Variants in GEMIN5 observed in about 807,000 individuals in gnomAD.
The protein encoded by GEMIN5 is gem-associated protein 5.
In GEMIN5, 124 loss-of-function variants were observed where a neutral mutation model predicts 176.9. The ratio of observed to expected loss-of-function variants is 0.70; its 90% confidence interval spans 0.61 to 0.81. The LOEUF (loss-of-function observed/expected upper bound fraction) is 0.81, where lower values mean the gene tolerates loss of function less well. Ranked by LOEUF, GEMIN5 falls within the 40% of genes least tolerant of loss-of-function variation. GEMIN5 has a pLI of 0.00. For missense variants in GEMIN5, 1,843 were observed against 1,814.6 expected, an observed-to-expected ratio of 1.02 and a Z score of -0.28; for synonymous variants, 673 against 665.2, an observed-to-expected ratio of 1.01 and a Z score of -0.18.
At chr5:154,902,788 A>G in intron 19 of GEMIN5, 112 bp from the exon 20 acceptor site, 1 of 1,084,120 alleles carries the variant, frequency 9.2e-7, no homozygotes, top group Non-Finnish European at 1.4e-6. Flanking sequence ...ATATGCAGTC[A>G]TTCTCTGATG....
chr5:154,889,281 A>G (rs1763176215), intron 27 of GEMIN5, 40 bp downstream of exon 27: 1 of 1,064,732 alleles, frequency 9.4e-7, no homozygotes, highest in Non-Finnish European at 1.5e-6. Context: ...TGATAACACA[A>G]AAAGTGATGC....
chr5:154,934,642 C>G (rs1309863782), intron 3 of GEMIN5, among the ~76,000 whole-genome samples: 1 of 152,144 alleles, frequency 6.6e-6, no homozygotes, highest in Non-Finnish European at 1.5e-5. Context: ...TACCCGTACG[C>G]CCCGTCTCCT....
In GEMIN5 at chr5:154,924,481, G is replaced by T; in HGVS notation, c.1367C>A (p.Thr456Asn). ...ACCCATTTCTTACTTGTTGGAGTAG[G>T]TGTCATACAATCCCACTTTTCCATC... ...TDDGKVGLYDTYSNKPPQISS... is the reference protein window; with the variant it reads ...TDDGKVGLYDNYSNKPPQISS... The change falls in exon 9 of 28, where the codon ACC (threonine) becomes AAC (asparagine). Residue 456 changes from threonine to asparagine, a missense_variant. Physicochemically the swap from Thr to Asn is moderately conservative, Grantham distance 65. Coordinates refer to ENST00000285873, the MANE Select transcript of GEMIN5 (RefSeq NM_015465.5). 6.2e-7 allele frequency: 1 copy of T among 1,606,446 alleles called. No homozygotes were observed. Among genetic ancestry groups the T allele is most frequent in the Non-Finnish European group, 8.5e-7 (1 of 1,173,184 alleles).
chr5:154,927,321 C>T, intron 7 of GEMIN5, 64 bp downstream of exon 7: 1 of 1,098,786 alleles, frequency 9.1e-7, no homozygotes, highest in South Asian at 1.4e-5. Flanking sequence ...TGAAAAAGCC[C>T]TCTCATCCCA....
chr5:154,936,188 G>A (rs1353671034), intron 2 of GEMIN5, among the ~76,000 whole-genome samples, 166 bp from the exon 3 acceptor site: 20 of 151,980 alleles, frequency 1.3e-4, no homozygotes, highest in African/African-American at 4.4e-4. Flanking sequence ...AGGCCGAGGC[G>A]GGTGGATCAC....
chr5:154,929,929 A>G (rs902341845), intron 5 of GEMIN5, among the ~76,000 whole-genome samples: 3 of 152,372 alleles, frequency 2.0e-5, no homozygotes, highest in Middle Eastern at 3.4e-3. Flanking sequence ...ATAGTAAAAC[A>G]TGGAAGCAAC....
chr5:154,936,894 G>A, intron 2 of GEMIN5, 131 bp downstream of exon 2: 1 of 722,938 alleles, frequency 1.4e-6, no homozygotes, highest in Non-Finnish European at 2.3e-6. Context: ...TTACAATATA[G>A]TTTCTTATCT....
intron 3 of GEMIN5, among the ~76,000 whole-genome samples, chr5:154,934,416 A>G (rs1764224394): frequency 6.6e-6 from 1 of 152,070 alleles, no homozygotes; most frequent in African/African-American, 2.4e-5. Flanking sequence ...ACCACAGGTG[A>G]TTTGCCCACC....
rs1368023426 is a variant in GEMIN5, at chr5:154,926,093, AG to A, written c.1081-20del. The stretch of plus-strand genomic sequence containing the variant: ...ATTTTACCTGCAAAGATTAACGGTA[AG>A]GGCCTAAACATAAAAAAGAACAGAG... On this transcript the variant is annotated intron_variant, in intron 7 of 27. Coordinates refer to ENST00000285873, the MANE Select transcript of GEMIN5 (RefSeq NM_015465.5). 1 of 1,509,958 alleles carries A rather than the reference AG, an allele frequency of 6.6e-7. No individual in the cohort carries two copies. Among genetic ancestry groups the A allele is most frequent in the African/African-American group, 1.4e-5 (1 of 72,936 alleles). The allele number at this position is 1,509,958 out of a possible 1,614,324, so 93.5% of individuals were successfully genotyped here.
intron 23 of GEMIN5, 96 bp downstream of exon 23, chr5:154,898,344 A>G (rs1763396006): frequency 4.5e-6 from 5 of 1,116,432 alleles, no homozygotes; most frequent in Non-Finnish European, 6.7e-6. Context: ...CCAAATTGGC[A>G]CAGCTTGTGC....
At position 154,901,348 on chromosome 5, in the gene GEMIN5, T is replaced by C. The variant is rs1473978726; in HGVS notation, c.3005A>G (p.His1002Arg). The change falls in exon 21 of 28, where the codon CAT becomes CGT. Residue 1002 changes from histidine (H) to arginine (R), a missense_variant. His to Arg is a conservative substitution (Grantham distance 29). Coordinates refer to ENST00000285873, the MANE Select transcript of GEMIN5 (RefSeq NM_015465.5). ...YEAVELLKSN[H>R]FYREAIAIAK... ...CTAGGACCACACAGACCTGTAAAAA[T>C]GGTTTGACTTGAGCAGCTCCACCGC... 3.1e-6 allele frequency: 5 copies of C among 1,613,812 alleles called. No homozygotes were observed. The highest frequency in any genetic ancestry group is 1.1e-5 in the South Asian group (1 of 91,046).
chr5:154,932,341 A>G, intron 3 of GEMIN5, 91 bp from the exon 4 acceptor site: 2 of 884,102 alleles, frequency 2.3e-6, no homozygotes, highest in South Asian at 3.3e-5. Flanking sequence ...CCATTGGCGC[A>G]TTCCTTAAAG....
intron 11 of GEMIN5, among the ~76,000 whole-genome samples, chr5:154,919,036 G>A (rs1763867623): frequency 1.3e-5 from 2 of 151,934 alleles, no homozygotes; most frequent in Admixed American, 6.6e-5. Context: ...ACAAGGCTCT[G>A]TCTCAAAAAA....
chr5:154,911,171 C>A (rs1763691975), intron 15 of GEMIN5, among the ~76,000 whole-genome samples: 1 of 152,160 alleles, frequency 6.6e-6, no homozygotes. Flanking sequence ...TGGAACCAGC[C>A]ATTTCTCCAA....
chr5:154,907,454 C>T (rs374232971), intron 16 of GEMIN5, 137 bp downstream of exon 16: 13 of 195,234 alleles, frequency 6.7e-5, no homozygotes, highest in Non-Finnish European at 9.8e-5. Flanking sequence ...TTGAATAAAG[C>T]TTAACAAAAA....
At chr5:154,926,105 T>TA in intron 7 of GEMIN5, 31 bp from the exon 8 acceptor site, 1 of 1,395,374 alleles carries the variant, frequency 7.2e-7, no homozygotes, top group Non-Finnish European at 1.0e-6. Flanking sequence ...GGCCTAAACA[T>TA]AAAAAAGAAC....
At chr5:154,903,658 C>T (rs1202357344) in intron 18 of GEMIN5, among the ~76,000 whole-genome samples, 1 of 151,992 alleles carries the variant, frequency 6.6e-6, no homozygotes, top group East Asian at 1.9e-4. Context: ...TTATGCAATA[C>T]AGACAAAACA....
At chr5:154,916,573 A>C (rs1763814626) in intron 13 of GEMIN5, among the ~76,000 whole-genome samples, 1 of 152,120 alleles carries the variant, frequency 6.6e-6, no homozygotes, top group South Asian at 2.1e-4. Context: ...CTGCAGCCTC[A>C]AACTCCTAGA....
chr5:154,906,998 A>G (rs994857252), intron 16 of GEMIN5, among the ~76,000 whole-genome samples: 4 of 152,236 alleles, frequency 2.6e-5, no homozygotes, highest in African/African-American at 9.6e-5. Flanking sequence ...CAAAATAAAA[A>G]GAGTGCTAAA....
Sources: allele counts gnomAD v4.1 joint callset (sites outside exome capture counted in the v4.1 genomes callset), GRCh38; gene constraint gnomAD v4.1.1; transcripts MANE v1.5; gene names NCBI Gene and HGNC (gene_info 2026-07-23, HGNC 2026-07-21).